Variants in CCBE1 observed in about 807,000 individuals in gnomAD.
CCBE1 encodes collagen and calcium binding EGF domains 1.
CCBE1 carries 37 observed loss-of-function variants against 50.0 expected under a neutral mutation model. The observed-to-expected ratio is 0.74, with a 90% confidence interval of 0.57 to 0.97. CCBE1 has a LOEUF of 0.97. Among genes scored for constraint, CCBE1 ranks in the 50% least tolerant of loss-of-function variants. The pLI is 0.00. For missense variants in CCBE1, 538 were observed against 523.8 expected, an observed-to-expected ratio of 1.03 and a Z score of -0.26; for synonymous variants, 234 against 203.7, an observed-to-expected ratio of 1.15 and a Z score of -1.27.
Position 59,633,731 on chromosome 18 carries a change from G to T in CCBE1, c.212+62898C>A, listed in dbSNP as rs200727317. On this transcript the variant is annotated intron_variant, in intron 2 of 10. Coordinates refer to ENST00000439986, the MANE Select transcript of CCBE1 (RefSeq NM_133459.4). ...CTGCTTCTTCCTAAATTTAGGGTTT[G>T]TTTTTTTTTTTTTAAAATAAAACCT... Among the ~76,000 whole-genome samples the T allele has an allele frequency of 1.4e-3, 200 of 140,398 alleles. No individual in the cohort carries two copies. In the East Asian group the frequency reaches 0.015, roughly 11 times the overall value. 92.1% of individuals were successfully genotyped at this position (140,398 alleles called of 152,430 possible).
At chr18:59,645,031 G>C (rs1266602535) in intron 2 of CCBE1, among the ~76,000 whole-genome samples, 1 of 152,090 alleles carries the variant, frequency 6.6e-6, no homozygotes, top group Non-Finnish European at 1.5e-5. Context: ...CGAGGTGGGC[G>C]GATCACGAGG....
chr18:59,605,106 T>G (rs191160148), intron 2 of CCBE1, among the ~76,000 whole-genome samples: 1 of 152,166 alleles, frequency 6.6e-6, no homozygotes, highest in East Asian at 1.9e-4. Context: ...ACAGAAGGAG[T>G]GTCATCTGTT....
At chr18:59,594,481 G>T (rs2053321069) in intron 2 of CCBE1, among the ~76,000 whole-genome samples, 1 of 152,208 alleles carries the variant, frequency 6.6e-6, no homozygotes, top group South Asian at 2.1e-4. Context: ...GATGATTGAT[G>T]GTTGCACGCG....
chr18:59,651,463 C>T (rs1270521151), intron 2 of CCBE1, among the ~76,000 whole-genome samples: 1 of 152,210 alleles, frequency 6.6e-6, no homozygotes, highest in Admixed American at 6.5e-5. Flanking sequence ...AGTTTAGCTC[C>T]TTTTTCTGTG....
Position 59,486,112 on chromosome 18 carries a change from G to T in CCBE1, c.213-5874C>A, listed in dbSNP as rs182421909. Among the ~76,000 whole-genome samples the T allele has an allele frequency of 9.9e-5, 15 of 152,206 alleles. 1 individual carries two copies. Among genetic ancestry groups the T allele is most frequent in the African/African-American group, 3.6e-4 (15 of 41,530 alleles). Reference sequence around the variant, plus strand: ...AATCTTGGCCTTGCTCCTTAATCTTGCTGAGCTTCAGACTCCTCATGGACA... The same window carrying T: ...AATCTTGGCCTTGCTCCTTAATCTTTCTGAGCTTCAGACTCCTCATGGACA... On this transcript the variant is annotated intron_variant, in intron 2 of 10. Transcript: ENST00000439986.
chr18:59,679,031 C>T (rs111830910), intron 2 of CCBE1, among the ~76,000 whole-genome samples: 3,081 of 152,260 alleles, frequency 0.02, 91 homozygotes, highest in African/African-American at 0.07. Flanking sequence ...GATAAGAATA[C>T]ACCATGTTCA....
intron 7 of CCBE1, among the ~76,000 whole-genome samples, chr18:59,441,633 A>G: frequency 6.6e-6 from 1 of 152,194 alleles, no homozygotes. Context: ...GAAAAGATAA[A>G]CAGTGTGTCT....
chr18:59,546,557 A>G (rs1461045779), intron 2 of CCBE1, among the ~76,000 whole-genome samples: 1 of 152,268 alleles, frequency 6.6e-6, no homozygotes, highest in Non-Finnish European at 1.5e-5. Context: ...CTGAACAACC[A>G]TTTGAACAAA....
At chr18:59,579,842 A>T (rs879711728) in intron 2 of CCBE1, among the ~76,000 whole-genome samples, 1 of 152,218 alleles carries the variant, frequency 6.6e-6, no homozygotes, top group Non-Finnish European at 1.5e-5. Flanking sequence ...ACTGAGACAG[A>T]ACACACCTCG....
chr18:59,539,922 C>CT (rs1568194874), intron 2 of CCBE1, among the ~76,000 whole-genome samples: 1 of 152,004 alleles, frequency 6.6e-6, no homozygotes, highest in East Asian at 1.9e-4. Flanking sequence ...AATAAATAAG[C>CT]TTTTTTCAAA....
chr18:59,480,168 C>T lies in CCBE1; in HGVS notation c.265+18G>A, dbSNP rs1912502945. On this transcript the variant is annotated intron_variant, in intron 3 of 10. Transcript: ENST00000439986. ...AGTTGTGAATAAAGTCAGACAATAT[C>T]TTTTTTATATTACATACCTTCTGGG... 12 of 1,516,336 alleles carry T rather than the reference C, an allele frequency of 7.9e-6. No homozygotes were observed. The South Asian group carries it at 1.4e-4, about 17-fold the overall frequency. The allele number at this position is 1,516,336 out of a possible 1,614,324, so 93.9% of individuals were successfully genotyped here. A position where few individuals can be genotyped will look rare whatever the true frequency, so the allele number is the denominator to read the frequency against.
chr18:59,636,270 A>C (rs2053915169), intron 2 of CCBE1, among the ~76,000 whole-genome samples: 2 of 152,180 alleles, frequency 1.3e-5, no homozygotes, highest in Non-Finnish European at 2.9e-5. Context: ...AACAAGACAA[A>C]ATAGACATTG....
chr18:59,610,726 G>A (rs536455479), intron 2 of CCBE1, among the ~76,000 whole-genome samples: 11 of 152,254 alleles, frequency 7.2e-5, no homozygotes, highest in South Asian at 2.1e-4. Context: ...CAGAAAATAC[G>A]CCTAACAAGC....
intron 2 of CCBE1, among the ~76,000 whole-genome samples, chr18:59,488,517 G>A (rs997168271): frequency 2.0e-5 from 3 of 152,098 alleles, no homozygotes; most frequent in African/African-American, 4.8e-5. Flanking sequence ...TGGGGCTAAG[G>A]TAACAACCAG....
chr18:59,532,982 G>C (rs75992328), intron 2 of CCBE1, among the ~76,000 whole-genome samples: 15,154 of 152,200 alleles, frequency 0.1, 1,244 homozygotes, highest in East Asian at 0.43. Flanking sequence ...ACGGAGTATG[G>C]AGAGTGAGGA....
At chr18:59,467,297 T>C (rs193120590) in intron 4 of CCBE1, among the ~76,000 whole-genome samples, 1 of 152,326 alleles carries the variant, frequency 6.6e-6, no homozygotes, top group Admixed American at 6.5e-5. Flanking sequence ...TGATTTTTTG[T>C]GAGTGCCCTA....
rs915853707 is a variant in CCBE1, at chr18:59,434,809, A to G, written c.*1099T>C. 1 of 152,196 alleles carries G rather than the reference A, an allele frequency of 6.6e-6. No individual in the cohort carries two copies. Among genetic ancestry groups the G allele is most frequent in the Admixed American group, 6.5e-5 (1 of 15,280 alleles). 9.4% of individuals were successfully genotyped at this position (152,196 alleles called of 1,614,324 possible). Reference sequence around the variant, plus strand: ...GTATTACTCTCAATATGTTGGTGGCAAGCTTGGTTGGCTCCAGACAAAAAC... The same window carrying G: ...GTATTACTCTCAATATGTTGGTGGCGAGCTTGGTTGGCTCCAGACAAAAAC... On this transcript the variant is annotated 3_prime_UTR_variant, in exon 11 of 11. Coordinates refer to ENST00000439986, the MANE Select transcript of CCBE1 (RefSeq NM_133459.4).
At chr18:59,535,119 C>A (rs879411833) in intron 2 of CCBE1, among the ~76,000 whole-genome samples, 17 of 152,130 alleles carry the variant, frequency 1.1e-4, no homozygotes, top group Middle Eastern at 3.4e-3. Flanking sequence ...TGATCTTAGA[C>A]GAGGCATTCA....
chr18:59,623,733 C>T (rs2144611407), intron 2 of CCBE1, among the ~76,000 whole-genome samples: 1 of 152,190 alleles, frequency 6.6e-6, no homozygotes, highest in South Asian at 2.1e-4. Flanking sequence ...AATTGTTTAC[C>T]ATTAGGCGCA....
Sources: gnomAD v4.1 joint callset for allele counts (sites outside exome capture counted in the v4.1 genomes callset) on GRCh38, gnomAD v4.1.1 for gene constraint, MANE v1.5 for transcripts, NCBI Gene and HGNC (gene_info 2026-07-23, HGNC 2026-07-21) for gene names.